The following FAM20C variants were observed in gnomAD, a reference collection of about 807,000 sequenced individuals.
The protein encoded by FAM20C is FAM20C golgi associated secretory pathway kinase.
FAM20C carries 40 observed loss-of-function variants against 51.5 expected under a neutral mutation model. That is an observed-to-expected ratio of 0.78 (90% CI 0.60 to 1.01). The LOEUF is 1.01. Ranked by LOEUF, FAM20C falls within the 50% of genes least tolerant of loss-of-function variation. The pLI is 0.00. For missense variants in FAM20C, 861 were observed against 844.7 expected, an observed-to-expected ratio of 1.02 and a Z score of -0.24; for synonymous variants, 406 against 380.6, an observed-to-expected ratio of 1.07 and a Z score of -0.78.
intron 3 of FAM20C, among the ~76,000 whole-genome samples, chr7:209,816 A>G (rs1033957505): frequency 2.0e-5 from 3 of 152,214 alleles, no homozygotes; most frequent in African/African-American, 7.2e-5. Context: ...GAAGCTCTTC[A>G]TATACTTTGC....
chr7:251,763 C>A (rs747417812), intron 5 of FAM20C, among the ~76,000 whole-genome samples: 6 of 152,146 alleles, frequency 3.9e-5, no homozygotes, highest in African/African-American at 7.2e-5. Flanking sequence ...GCTTCCCTGG[C>A]CACTCCTGGT....
At chr7:209,095 T>C (rs574564534) in intron 3 of FAM20C, 119 bp downstream of exon 3, 3 of 999,946 alleles carry the variant, frequency 3.0e-6, no homozygotes, top group South Asian at 2.8e-5. Flanking sequence ...AGACTGTGGG[T>C]GACCACTCTC....
At chr7:230,396 C>T (rs1458506460) in intron 3 of FAM20C, among the ~76,000 whole-genome samples, 2 of 138,646 alleles carry the variant, frequency 1.4e-5, no homozygotes, top group Non-Finnish European at 1.6e-5. Flanking sequence ...AACAGATCCC[C>T]GTGGCTTAAA....
rs796486461 is a variant in FAM20C, at chr7:258,143, T to C, written c.1446-503T>C. Among the ~76,000 whole-genome samples the C allele has an allele frequency of 6.0e-4, 47 of 78,616 alleles. 1 individual carries two copies. Among genetic ancestry groups the C allele is most frequent in the African/African-American group, 1.6e-3 (37 of 23,864 alleles). The allele number at this position is 78,616 out of a possible 152,430, so 51.6% of individuals were successfully genotyped here. ...AGATAGGCGGGGTGGACCCACTGAC[T>C]GGGGTGCTGGAGATAGGCAGGGTGG... On this transcript the variant is annotated intron_variant, in intron 8 of 9. Coordinates refer to ENST00000313766, the MANE Select transcript of FAM20C (RefSeq NM_020223.4).
At chr7:230,693 C>T (rs73252881) in intron 3 of FAM20C, among the ~76,000 whole-genome samples, 16 of 152,248 alleles carry the variant, frequency 1.1e-4, no homozygotes, top group Admixed American at 5.9e-4. Flanking sequence ...GAGGATAGAG[C>T]CTGGCACATG....
rs1000646671 is a variant in FAM20C, at chr7:222,513, G to A, written c.863+13537G>A. On this transcript the variant is annotated intron_variant, in intron 3 of 9. Coordinates refer to ENST00000313766, the MANE Select transcript of FAM20C (RefSeq NM_020223.4). The stretch of plus-strand genomic sequence containing the variant: ...CCCAGGCCCAGGGCTGGCACTGAGA[G>A]GGGAGTGCACAGGTGTCCACGGAGG... Among the ~76,000 whole-genome samples the A allele has an allele frequency of 2.0e-5, 3 of 152,282 alleles. No individual in the cohort carries two copies. The Middle Eastern group carries it at 0.01, about 518-fold the overall frequency.
chr7:257,853 TGGGGTGCTG>T (rs1788662411), intron 8 of FAM20C, among the ~76,000 whole-genome samples: 1 of 42,860 alleles, frequency 2.3e-5, no homozygotes, highest in Non-Finnish European at 4.7e-5. Flanking sequence ...ACCCACTGCC[TGGGGTGCTG>T]GAGATGGGGC....
At chr7:250,113 C>A (rs1418486319) in intron 5 of FAM20C, among the ~76,000 whole-genome samples, 1 of 152,140 alleles carries the variant, frequency 6.6e-6, no homozygotes, top group Non-Finnish European at 1.5e-5. Flanking sequence ...CAATTAGGGC[C>A]CCTGATTAGC....
chr7:196,421 G>A lies in FAM20C; in HGVS notation c.784+689G>A, dbSNP rs201071181. ...GTGCCATTGTTCTCAGCTTGTAGGC[G>A]ATTGTTTGTGAAGGTCCCATTTGTC... On this transcript the variant is annotated intron_variant, in intron 2 of 9. Transcript: ENST00000313766. 2.0e-5 allele frequency among the ~76,000 whole-genome samples: 3 copies of A among 152,374 alleles called. No individual in the cohort carries two copies. In the East Asian group the frequency reaches 5.8e-4, roughly 29 times the overall value.
Position 224,193 on chromosome 7 carries a change from C to T in FAM20C, c.863+15217C>T, listed in dbSNP as rs567677163. 3.1e-4 allele frequency among the ~76,000 whole-genome samples: 42 copies of T among 134,010 alleles called. 1 individual carries two copies. Among genetic ancestry groups the T allele is most frequent in the Admixed American group, 6.5e-4 (9 of 13,812 alleles). 87.9% of individuals were successfully genotyped at this position (134,010 alleles called of 152,430 possible). On this transcript the variant is annotated intron_variant, in intron 3 of 9. Coordinates refer to ENST00000313766, the MANE Select transcript of FAM20C (RefSeq NM_020223.4). ...CTCACGGAGCAGAACGGCACCGTCA[C>T]GGGGTCGCACGGCGGCTGTCCCCTG... is the stretch of plus-strand genomic sequence containing the variant.
rs561629697 is a variant in FAM20C at position 210,165 on chromosome 7, G to A, written c.863+1189G>A. Among the ~76,000 whole-genome samples the A allele has an allele frequency of 3.3e-5, 5 of 152,368 alleles. No individual in the cohort carries two copies. In the South Asian group the frequency reaches 8.3e-4, roughly 25 times the overall value. On this transcript the variant is annotated intron_variant, in intron 3 of 9. Coordinates refer to ENST00000313766, the MANE Select transcript of FAM20C (RefSeq NM_020223.4). ...CTGGGGCTGAGGGCTGCTACCAGGG[G>A]TGGGATGAACGCACGGGAGCTGATC...
intron 3 of FAM20C, among the ~76,000 whole-genome samples, chr7:223,457 C>G (rs551048175): frequency 1.2e-4 from 18 of 152,360 alleles, no homozygotes; most frequent in Non-Finnish European, 2.1e-4. Flanking sequence ...CTCTCCGGGG[C>G]TGTCCTGGTG....
At chr7:200,174 G>A (rs1173515343) in intron 2 of FAM20C, among the ~76,000 whole-genome samples, 4 of 152,216 alleles carry the variant, frequency 2.6e-5, no homozygotes, top group East Asian at 3.9e-4. Context: ...TTGGGAGCAG[G>A]GCTCCTTGGA....
intron 6 of FAM20C, 154 bp from the exon 7 acceptor site, chr7:256,500 C>T (rs1281655979): frequency 1.2e-5 from 8 of 657,654 alleles, no homozygotes; most frequent in Non-Finnish European, 1.9e-5. Flanking sequence ...CACACCCGTG[C>T]TCCCGCTAAT....
intron 3 of FAM20C, among the ~76,000 whole-genome samples, chr7:245,521 C>T (rs985461731): frequency 6.6e-6 from 1 of 152,154 alleles, no homozygotes; most frequent in Admixed American, 6.5e-5. Context: ...ACAGGCTCTC[C>T]CTCCAGTGGA....
At chr7:194,108 C>A (rs994659507) in intron 1 of FAM20C, 5 of 370,780 alleles carry the variant, frequency 1.3e-5, no homozygotes, top group Non-Finnish European at 2.4e-5. Context: ...GAAATGGGGT[C>A]AGGCAATGAA....
chr7:196,177 T>A, intron 2 of FAM20C, among the ~76,000 whole-genome samples: 1 of 152,200 alleles, frequency 6.6e-6, no homozygotes, highest in Admixed American at 6.5e-5. Flanking sequence ...TTCTTGTGGT[T>A]TTGAAGCCGT....
chr7:212,839 A>G (rs890851566), intron 3 of FAM20C, among the ~76,000 whole-genome samples: 7 of 152,134 alleles, frequency 4.6e-5, no homozygotes, highest in African/African-American at 1.7e-4. Context: ...CGATTCACCC[A>G]CTTAAAGTGT....
intron 1 of FAM20C, 26 bp downstream of exon 1, chr7:193,830 C>A (rs1450423973): frequency 1.3e-6 from 2 of 1,547,336 alleles, no homozygotes; most frequent in Non-Finnish European, 1.7e-6. Context: ...CAGGTGCCCA[C>A]CCCCAAGGGA....
Sources: gnomAD v4.1 joint callset for allele counts (sites outside exome capture counted in the v4.1 genomes callset) on GRCh38, gnomAD v4.1.1 for gene constraint, MANE v1.5 for transcripts, NCBI Gene and HGNC (gene_info 2026-07-23, HGNC 2026-07-21) for gene names.